FCER2: variants seen among roughly 807,000 people sequenced by gnomAD.
FCER2 encodes low affinity immunoglobulin epsilon Fc receptor.
In FCER2, 38 loss-of-function variants were observed where a neutral mutation model predicts 49.7. That is an observed-to-expected ratio of 0.76 (90% CI 0.59 to 1.00). The LOEUF is 1.00. Among genes scored for constraint, FCER2 ranks in the 50% least tolerant of loss-of-function variants. The pLI is 0.00. For synonymous variants in FCER2, 163 were observed against 164.6 expected (o/e 0.99, Z 0.07); for missense variants, 425 against 419.5 (o/e 1.01, Z -0.11).
chr19:7,700,539 G>T (rs970991528), intron 1 of FCER2, among the ~76,000 whole-genome samples: 1 of 151,926 alleles, frequency 6.6e-6, no homozygotes, highest in African/African-American at 2.4e-5. Flanking sequence ...TATTGAAATG[G>T]AGTCTCGCTC....
At chr19:7,698,252 C>T (rs2033067394) in intron 4 of FCER2, 104 bp downstream of exon 4, 8 of 852,646 alleles carry the variant, frequency 9.4e-6, no homozygotes, top group Non-Finnish European at 1.5e-5. Flanking sequence ...TTAGTTTGAC[C>T]TTCAGTTCCT....
At position 7,689,339 on chromosome 19, in the gene FCER2, C is replaced by G. The variant is rs776842576; in HGVS notation, c.820G>C (p.Asp274His). The G allele has an allele frequency of 1.2e-6, 2 of 1,612,306 alleles. No homozygotes were observed. Among genetic ancestry groups the G allele is most frequent in the East Asian group, 2.2e-5 (1 of 44,852 alleles). ...CACACCCAGGCGCCCAGCTTACGGT[C>G]GCAGAAGGCGTCGTTCCAGCGACCG... ...GSGRWNDAFC[D>H]RKLGAWVCDR... The change falls in exon 11 of 11, where the codon GAC (aspartate) becomes CAC (histidine). Residue 274 changes from aspartate (D) to histidine (H), a missense_variant. By Grantham distance (81) the Asp-to-His change is moderately conservative. Transcript: ENST00000597921.
chr19:7,693,404 G>A (rs187443045), intron 8 of FCER2, among the ~76,000 whole-genome samples: 2 of 150,146 alleles, frequency 1.3e-5, no homozygotes, highest in East Asian at 2.0e-4. Context: ...TGTTGCTATC[G>A]CCTCCCAGGT....
At chr19:7,698,669 TG>T in intron 3 of FCER2, 71 bp downstream of exon 3, 1 of 1,561,970 alleles carries the variant, frequency 6.4e-7, no homozygotes, top group South Asian at 1.2e-5. Flanking sequence ...AGCTCTGAGA[TG>T]GGGGTGAAGG....
rs137955435 is a variant in FCER2 at position 7,696,381 on chromosome 19, G to A, written c.469+444C>T. Among the ~76,000 whole-genome samples the A allele has an allele frequency of 6.7e-3, 1,014 of 152,012 alleles. 7 individuals carry two copies. The highest frequency in any genetic ancestry group is 0.023 in the African/African-American group (967 of 41,460). ...CTCCCTAAGTGCTGGGATTACAAGCGTGAGCCACCGCGTCCAGCTAATTTT... is the reference window on the plus strand; with the variant it reads ...CTCCCTAAGTGCTGGGATTACAAGCATGAGCCACCGCGTCCAGCTAATTTT... On this transcript the variant is annotated intron_variant, in intron 8 of 10. Transcript: ENST00000597921.
chr19:7,701,673 G>A (rs571286987), intron 1 of FCER2, among the ~76,000 whole-genome samples: 102 of 152,142 alleles, frequency 6.7e-4, no homozygotes, highest in African/African-American at 2.3e-3. Flanking sequence ...GTGCTGGGTG[G>A]CAGGATCCCA....
At chr19:7,692,583 A>G (rs2032910965) in intron 8 of FCER2, among the ~76,000 whole-genome samples, 1 of 151,978 alleles carries the variant, frequency 6.6e-6, no homozygotes, top group Non-Finnish European at 1.5e-5. Flanking sequence ...AACCCCTAAC[A>G]CTGTCACCAC....
At chr19:7,697,674 T>G (rs1334067012) in intron 4 of FCER2, 85 bp from the exon 5 acceptor site, 12 of 1,038,146 alleles carry the variant, frequency 1.2e-5, no homozygotes, top group Non-Finnish European at 1.8e-5. Flanking sequence ...TCAGGGACCC[T>G]CTCACATAGT....
chr19:7,698,915 G>T lies in FCER2; in HGVS notation c.23-61C>A, dbSNP rs1224605710. On this transcript the variant is annotated intron_variant, in intron 2 of 10. Transcript: ENST00000597921. ...GTGAAGCTGGATGCTGGCCCTGTCC[G>T]TCTCTCCATTACCCAGAGCCCCCGA... is the stretch of plus-strand genomic sequence containing the variant. The T allele has an allele frequency of 7.9e-6, 12 of 1,519,712 alleles. 1 individual carries two copies. The East Asian group carries it at 2.9e-4, about 37-fold the overall frequency. The allele number at this position is 1,519,712 out of a possible 1,614,324, so 94.1% of individuals were successfully genotyped here.
At chr19:7,689,466 G>A (rs534559698) in intron 10 of FCER2, 36 bp from the exon 11 acceptor site, 40 of 1,371,510 alleles carry the variant, frequency 2.9e-5, no homozygotes, top group Non-Finnish European at 7.1e-6. Context: ...GGATGGGGCG[G>A]GGAGAAGGAG....
In FCER2 at chr19:7,689,336, G is replaced by A. The variant is rs139146098; in HGVS notation, c.823C>T (p.Arg275Cys). Reference protein sequence around the residue: ...SGRWNDAFCDRKLGAWVCDRL... With the variant: ...SGRWNDAFCDCKLGAWVCDRL... ...TCGCACACCCAGGCGCCCAGCTTAC[G>A]GTCGCAGAAGGCGTCGTTCCAGCGA... Residue 275 changes from arginine (R) to cysteine (C), a missense_variant, in exon 11 of 11, where the codon CGT (arginine) becomes TGT (cysteine). Transcript: ENST00000597921. 238 of 1,612,484 alleles carry A rather than the reference G, an allele frequency of 1.5e-4. 1 individual carries two copies. The African/African-American group carries it at 2.3e-3, about 16-fold the overall frequency.
chr19:7,690,074 G>T, intron 10 of FCER2, 85 bp downstream of exon 10: 3 of 884,754 alleles, frequency 3.4e-6, no homozygotes, highest in South Asian at 1.4e-5. Context: ...GCCCTCATCC[G>T]CTTTCCGATG....
At chr19:7,691,833 C>T (rs552829956) in intron 8 of FCER2, among the ~76,000 whole-genome samples, 16 of 152,240 alleles carry the variant, frequency 1.1e-4, no homozygotes, top group African/African-American at 3.9e-4. Flanking sequence ...ATTGCCAGTT[C>T]CACAGCCAGC....
rs1371604069 is a variant in FCER2 at position 7,690,114 on chromosome 19, G to A, written c.728+45C>T. 1.1e-5 allele frequency: 13 copies of A among 1,225,088 alleles called. 1 individual carries two copies. The highest frequency in any genetic ancestry group is 3.6e-5 in the South Asian group (3 of 82,550). 75.9% of individuals were successfully genotyped at this position (1,225,088 alleles called of 1,614,324 possible). ...TTATCTAGGGAGCTCCTCCCTCCAC[G>A]GTATTTCCATCTCCTCCCCTGGATC... On this transcript the variant is annotated intron_variant, in intron 10 of 10. Coordinates refer to ENST00000597921, the MANE Select transcript of FCER2 (RefSeq NM_001220500.2).
In FCER2 at chr19:7,690,187, A is replaced by G; in HGVS notation, c.700T>C (p.Trp234Arg). ...RNLDLKGEFI[W>R]VDGSHVDYSN... The stretch of plus-strand genomic sequence containing the variant: ...TAGTCCACGTGGCTCCCATCCACCC[A>G]GATAAACTCCCCCTTCAGGTCCAAG... Residue 234 changes from tryptophan to arginine, a missense_variant, in exon 10 of 11, where the codon TGG (tryptophan) becomes CGG (arginine). Transcript: ENST00000597921. 1 of 1,613,618 alleles carries G rather than the reference A, an allele frequency of 6.2e-7. No homozygotes were observed. Among genetic ancestry groups the G allele is most frequent in the Non-Finnish European group, 8.5e-7 (1 of 1,179,546 alleles).
At chr19:7,695,920 C>CTTTTTTTTT (rs60387474) in intron 8 of FCER2, among the ~76,000 whole-genome samples, 1 of 80,678 alleles carries the variant, frequency 1.2e-5, no homozygotes, top group Non-Finnish European at 2.3e-5. Context: ...CCATCTCTCT[C>CTTTTTTTTT]TTTTTTTTTT....
intron 2 of FCER2, chr19:7,699,439 T>G (rs1156554568): frequency 2.1e-6 from 3 of 1,462,110 alleles, no homozygotes; most frequent in Non-Finnish European, 2.7e-6. Context: ...CTATTTGGCC[T>G]CTGACTCTAT....
chr19:7,690,801 C>T (rs761284396), intron 8 of FCER2, among the ~76,000 whole-genome samples: 3 of 152,036 alleles, frequency 2.0e-5, no homozygotes, highest in African/African-American at 4.8e-5. Flanking sequence ...TAGCAGAGCA[C>T]GGTGTCGACC....
At chr19:7,701,423 T>C (rs902700539) in intron 1 of FCER2, among the ~76,000 whole-genome samples, 5 of 151,938 alleles carry the variant, frequency 3.3e-5, no homozygotes, top group African/African-American at 1.2e-4. Flanking sequence ...CATCTGTAAA[T>C]TGGGAGTATT....
Sources: allele counts gnomAD v4.1 joint callset (sites outside exome capture counted in the v4.1 genomes callset), GRCh38; gene constraint gnomAD v4.1.1; transcripts MANE v1.5; gene names NCBI Gene and HGNC (gene_info 2026-07-23, HGNC 2026-07-21).